The following TENM3 variants were observed in gnomAD, a reference collection of about 807,000 sequenced individuals.
TENM3 encodes the protein teneurin transmembrane protein 3.
TENM3 carries 63 observed loss-of-function variants against 255.1 expected under a neutral mutation model. The observed-to-expected ratio is 0.25, with a 90% confidence interval of 0.20 to 0.30. TENM3 has a LOEUF of 0.30. Ranked by LOEUF, TENM3 falls within the 10% of genes least tolerant of loss-of-function variation. The probability of loss-of-function intolerance (pLI) is 1.00; values close to 1 mark genes in which losing one functional copy is unlikely to be tolerated. For missense variants in TENM3, 2,929 were observed against 3,461.1 expected (o/e 0.85, Z 3.86); for synonymous variants, 1,306 against 1,322.3 (o/e 0.99, Z 0.27).
chr4:182,041,408 A>C, the TENM3 span, among the ~76,000 whole-genome samples: 1 of 152,180 alleles, frequency 6.6e-6, no homozygotes, highest in African/African-American at 2.4e-5. Flanking sequence ...TATTCATTTT[A>C]AACTACTGGA....
chr4:182,211,041 C>T (rs1439946292), intron 1 of TENM3, among the ~76,000 whole-genome samples: 2 of 152,146 alleles, frequency 1.3e-5, no homozygotes, highest in Non-Finnish European at 1.5e-5. Context: ...CTACCCTTGT[C>T]GCTGTCCCTC....
chr4:181,867,027 C>T, the TENM3 span, among the ~76,000 whole-genome samples: 3 of 152,106 alleles, frequency 2.0e-5, no homozygotes, highest in Non-Finnish European at 4.4e-5. Flanking sequence ...TGCTACAGAT[C>T]CCCCAATAAA....
At chr4:181,724,919 A>T in the TENM3 span, among the ~76,000 whole-genome samples, 1 of 152,188 alleles carries the variant, frequency 6.6e-6, no homozygotes, top group Non-Finnish European at 1.5e-5. Context: ...CCTTTCAGGG[A>T]GTAAGGAAAG....
intron 3 of TENM3, among the ~76,000 whole-genome samples, chr4:182,366,284 T>G (rs911310651): frequency 1.3e-5 from 2 of 151,940 alleles, no homozygotes; most frequent in African/African-American, 4.8e-5. Context: ...CATTATTTAC[T>G]TGTGGCCTCT....
the TENM3 span, among the ~76,000 whole-genome samples, chr4:181,889,611 G>A: frequency 2.6e-5 from 4 of 152,186 alleles, no homozygotes; most frequent in South Asian, 6.2e-4. Context: ...TTACTTGAAC[G>A]GGCAATAATT....
the TENM3 span, among the ~76,000 whole-genome samples, chr4:181,602,502 TAA>T: frequency 2.6e-5 from 4 of 152,224 alleles, no homozygotes; most frequent in Non-Finnish European, 5.9e-5. Context: ...AGTTTTATAT[TAA>T]GTCTAAACTT....
the TENM3 span, among the ~76,000 whole-genome samples, chr4:182,111,713 T>G: frequency 3.9e-5 from 6 of 152,240 alleles, no homozygotes; most frequent in South Asian, 6.2e-4. Flanking sequence ...TTGTAAGAGA[T>G]TTATTTCCTT....
chr4:182,345,512 CT>C (rs1436804938), intron 2 of TENM3, among the ~76,000 whole-genome samples: 1 of 152,118 alleles, frequency 6.6e-6, no homozygotes, highest in Non-Finnish European at 1.5e-5. Flanking sequence ...TTAAATCAGT[CT>C]TTGTAGGTTA....
chr4:182,448,666 G>A (rs575202237), intron 3 of TENM3, among the ~76,000 whole-genome samples: 1 of 151,860 alleles, frequency 6.6e-6, no homozygotes, highest in Admixed American at 6.6e-5. Context: ...CGGCTCGCGA[G>A]CGTGCGTGTG....
At chr4:182,370,302 G>A (rs1766719053) in intron 3 of TENM3, among the ~76,000 whole-genome samples, 3 of 152,154 alleles carry the variant, frequency 2.0e-5, no homozygotes, top group Admixed American at 2.0e-4. Context: ...TGTGTCTGTT[G>A]TAAGTATCAT....
intron 12 of TENM3, among the ~76,000 whole-genome samples, chr4:182,705,635 G>A (rs1235608541): frequency 6.6e-6 from 1 of 152,174 alleles, no homozygotes; most frequent in Non-Finnish European, 1.5e-5. Flanking sequence ...CTGTGTTTAT[G>A]AGAGTCAGCC....
intron 13 of TENM3, among the ~76,000 whole-genome samples, chr4:182,724,196 T>C (rs2152698945): frequency 6.6e-6 from 1 of 152,320 alleles, no homozygotes. Context: ...CTATTAGACA[T>C]GGCTTCTATA....
At chr4:182,131,018 A>G in the TENM3 span, among the ~76,000 whole-genome samples, 2 of 152,154 alleles carry the variant, frequency 1.3e-5, no homozygotes, top group African/African-American at 4.8e-5. Context: ...TTTGTTGGTG[A>G]TAATGGTGAC....
chr4:181,677,593 A>G, the TENM3 span, among the ~76,000 whole-genome samples: 6 of 152,098 alleles, frequency 3.9e-5, no homozygotes, highest in East Asian at 1.2e-3. Flanking sequence ...TATGTGCTTT[A>G]AGTGCCTCCA....
At chr4:182,287,234 A>G (rs1760788800) in intron 1 of TENM3, among the ~76,000 whole-genome samples, 1 of 152,144 alleles carries the variant, frequency 6.6e-6, no homozygotes, top group African/African-American at 2.4e-5. Context: ...TCTCTAATAA[A>G]TAAACTAAAA....
At chr4:181,877,489 G>T in the TENM3 span, among the ~76,000 whole-genome samples, 36 of 152,148 alleles carry the variant, frequency 2.4e-4, no homozygotes, top group Admixed American at 2.3e-3. Flanking sequence ...TTTATATTTA[G>T]TTTTACCTCT....
In TENM3 at chr4:182,789,326, G is replaced by A. The variant is rs778797764; in HGVS notation, c.5538G>A (p.Gln1846=). The A allele has an allele frequency of 1.9e-6, 3 of 1,613,746 alleles. No homozygotes were observed. The highest frequency in any genetic ancestry group is 1.7e-6 in the Non-Finnish European group (2 of 1,179,866). The change falls in exon 25 of 28, where the codon CAG becomes CAA. Residue 1846 remains glutamine (Q), a synonymous_variant. Transcript: ENST00000511685. This position sits in a 1 kb window ranked among gnomAD's most constrained non-coding sequence, Gnocchi z 4.4. The part of the protein sequence containing the change: ...TTSEKVDYDG[Q]GRIVSRVFAD... ...GCGAGAAAGTAGATTATGACGGACA[G>A]GGGAGGATCGTGTCTCGGGTCTTTG... is the stretch of plus-strand genomic sequence containing the variant.
chr4:182,005,881 G>A, the TENM3 span, among the ~76,000 whole-genome samples: 3 of 151,978 alleles, frequency 2.0e-5, no homozygotes, highest in African/African-American at 7.3e-5. Flanking sequence ...GCCTATTGGT[G>A]GTGTAAAGGA....
the TENM3 span, among the ~76,000 whole-genome samples, chr4:181,739,648 A>T: frequency 3.9e-5 from 6 of 152,196 alleles, no homozygotes; most frequent in Admixed American, 2.6e-4. Context: ...CAGAGAAGCT[A>T]GGTGAGTAGA....
Sources: allele counts gnomAD v4.1 joint callset (sites outside exome capture counted in the v4.1 genomes callset), GRCh38; gene constraint gnomAD v4.1.1; non-coding constraint Gnocchi (gnomAD v3.1); transcripts MANE v1.5; gene names NCBI Gene and HGNC (gene_info 2026-07-23, HGNC 2026-07-21).